The following PCDH15 variants were observed in gnomAD, a reference collection of about 807,000 sequenced individuals.
PCDH15 encodes the protein protocadherin-15.
PCDH15 carries 129 observed loss-of-function variants against 178.5 expected under a neutral mutation model. The observed-to-expected ratio is 0.72, with a 90% CI of 0.63 to 0.84. The LOEUF is 0.84. Ranked by LOEUF, PCDH15 falls within the 40% of genes least tolerant of loss-of-function variation. The pLI is 0.00. For missense variants in PCDH15, 2,230 were observed against 2,099.9 expected, an observed-to-expected ratio of 1.06 and a Z score of -1.21; for synonymous variants, 800 against 732.0, an observed-to-expected ratio of 1.09 and a Z score of -1.50.
At chr10:55,625,522 G>A (rs1318249921) in intron 2 of PCDH15, among the ~76,000 whole-genome samples, 1 of 152,148 alleles carries the variant, frequency 6.6e-6, no homozygotes, top group Admixed American at 6.5e-5. Flanking sequence ...TATCTTGTGT[G>A]TTAGGAGTTG....
intron 2 of PCDH15, among the ~76,000 whole-genome samples, chr10:55,148,016 C>A (rs538265451): frequency 9.2e-5 from 14 of 151,908 alleles, no homozygotes; most frequent in Non-Finnish European, 2.1e-4. Context: ...TCAACTCTAC[C>A]TGTATTGTCT....
At chr10:55,030,218 C>A (rs1291951621) in intron 2 of PCDH15, among the ~76,000 whole-genome samples, 1 of 152,052 alleles carries the variant, frequency 6.6e-6, no homozygotes, top group South Asian at 2.1e-4. Context: ...CTTTAGTTTG[C>A]AATGCTGTAT....
At chr10:54,549,190 T>A (rs1008418059) in intron 2 of PCDH15, among the ~76,000 whole-genome samples, 1 of 150,966 alleles carries the variant, frequency 6.6e-6, no homozygotes, top group African/African-American at 2.4e-5. Flanking sequence ...TTATTTATTT[T>A]TATCTTCTTT....
At chr10:55,169,005 C>T (rs546104736) in intron 1 of PCDH15, among the ~76,000 whole-genome samples, 4 of 152,194 alleles carry the variant, frequency 2.6e-5, no homozygotes, top group African/African-American at 9.6e-5. Flanking sequence ...TGAGTACCAA[C>T]TCTCTGTGGT....
intron 3 of PCDH15, among the ~76,000 whole-genome samples, chr10:54,820,015 A>G (rs79636558): frequency 1.6e-3 from 1 of 630 alleles, no homozygotes; most frequent in African/African-American, 5.3e-3. Context: ...AAGTTTCTGG[A>G]AAAAAAAAAT....
intron 1 of PCDH15, among the ~76,000 whole-genome samples, chr10:55,206,362 AC>A (rs1448950440): frequency 6.6e-6 from 1 of 152,138 alleles, no homozygotes; most frequent in Non-Finnish European, 1.5e-5. Flanking sequence ...AAAGATCACT[AC>A]TTTTCCAAGT....
intron 21 of PCDH15, among the ~76,000 whole-genome samples, chr10:53,986,937 A>C (rs2091144037): frequency 6.6e-6 from 1 of 152,174 alleles, no homozygotes; most frequent in African/African-American, 2.4e-5. Flanking sequence ...CCAAGGCCAC[A>C]GGGCTAGTCA....
At chr10:55,465,467 T>C (rs1285869783) in intron 2 of PCDH15, among the ~76,000 whole-genome samples, 1 of 152,142 alleles carries the variant, frequency 6.6e-6, no homozygotes, top group Non-Finnish European at 1.5e-5. Context: ...CTAGGACCAA[T>C]GGCAGAGCTT....
chr10:54,284,871 C>T (rs928495459), intron 8 of PCDH15, among the ~76,000 whole-genome samples: 14 of 152,152 alleles, frequency 9.2e-5, no homozygotes, highest in African/African-American at 3.4e-4. Flanking sequence ...TTCCCTGGTT[C>T]ATGGAGTCAT....
chr10:54,808,998 C>A (rs774554454), intron 3 of PCDH15, among the ~76,000 whole-genome samples: 1 of 151,044 alleles, frequency 6.6e-6, no homozygotes, highest in African/African-American at 2.4e-5. Flanking sequence ...ATGCTGACAA[C>A]CTGAGAAACA....
In PCDH15 at chr10:53,822,278, A is replaced by C. The variant is rs1254280322; in HGVS notation, c.4368-2048T>G. The C allele has an allele frequency of 1.2e-6, 2 of 1,613,386 alleles. No homozygotes were observed. Among genetic ancestry groups the C allele is most frequent in the African/African-American group, 1.3e-5 (1 of 74,882 alleles). On this transcript the variant is annotated intron_variant, in intron 32 of 37. Transcript: ENST00000644397. ...TAGAAGGAGGTGGTGGAGGAAGAGGAGTTGGAAATGGAGGTAGAAGAGGTG... is the reference window on the plus strand; with the variant it reads ...TAGAAGGAGGTGGTGGAGGAAGAGGCGTTGGAAATGGAGGTAGAAGAGGTG...
intron 2 of PCDH15, among the ~76,000 whole-genome samples, chr10:54,982,253 A>G (rs1219525): frequency 0.29 from 44,775 of 152,010 alleles, 7,303 homozygotes; most frequent in African/African-American, 0.42. Context: ...TTCAAATGCT[A>G]GAGGCAATAT....
chr10:53,887,601 T>TA (rs1285845524), intron 26 of PCDH15, among the ~76,000 whole-genome samples: 1 of 152,094 alleles, frequency 6.6e-6, no homozygotes, highest in East Asian at 1.9e-4. Context: ...AAAAACTCAT[T>TA]AAACAGGTCG....
intron 2 of PCDH15, among the ~76,000 whole-genome samples, chr10:55,494,531 C>T (rs1478887418): frequency 4.0e-5 from 6 of 150,816 alleles, no homozygotes; most frequent in African/African-American, 1.5e-4. Flanking sequence ...TGTTTATTTC[C>T]TATTTTATTG....
chr10:55,322,771 T>C (rs1843931542), upstream of PCDH15, among the ~76,000 whole-genome samples: 1 of 148,492 alleles, frequency 6.7e-6, no homozygotes, highest in Non-Finnish European at 1.5e-5. Context: ...AATTGGAAAA[T>C]TTGCAGCCTG....
chr10:54,779,087 A>T (rs547733284), intron 1 of PCDH15, among the ~76,000 whole-genome samples: 76 of 152,146 alleles, frequency 5.0e-4, no homozygotes, highest in Non-Finnish European at 9.6e-4. Flanking sequence ...ATACCCTTTT[A>T]AGTTGCAGGA....
At chr10:53,881,158 A>T (rs1053225588) in intron 26 of PCDH15, among the ~76,000 whole-genome samples, 2 of 152,204 alleles carry the variant, frequency 1.3e-5, no homozygotes, top group Non-Finnish European at 2.9e-5. Context: ...TCAGTGAAAT[A>T]GTCTTGCTGC....
chr10:53,931,211 T>C (rs1471952920), intron 25 of PCDH15, among the ~76,000 whole-genome samples: 1 of 152,196 alleles, frequency 6.6e-6, no homozygotes, highest in Admixed American at 6.5e-5. Context: ...TAAAACAGTG[T>C]ACTGTCTCCA....
At chr10:55,154,933 A>T (rs1838842380) in intron 2 of PCDH15, among the ~76,000 whole-genome samples, 1 of 152,100 alleles carries the variant, frequency 6.6e-6, no homozygotes, top group Non-Finnish European at 1.5e-5. Flanking sequence ...CACACCCCTG[A>T]CATACTTAAG....
Sources: allele counts gnomAD v4.1 joint callset (sites outside exome capture counted in the v4.1 genomes callset), GRCh38; gene constraint gnomAD v4.1.1; transcripts MANE v1.5; gene names NCBI Gene and HGNC (gene_info 2026-07-23, HGNC 2026-07-21).